ARB2A: variants seen among roughly 807,000 people sequenced by gnomAD.
ARB2A encodes cotranscriptional regulator ARB2A.
the ARB2A span, among the ~76,000 whole-genome samples, chr5:93,753,330 A>G: frequency 6.6e-6 from 1 of 152,240 alleles, no homozygotes; most frequent in Non-Finnish European, 1.5e-5. Flanking sequence ...AGGTATTTTC[A>G]GCAATAAAGT....
chr5:93,898,513 G>A, the ARB2A span, among the ~76,000 whole-genome samples: 1 of 151,992 alleles, frequency 6.6e-6, no homozygotes, highest in Non-Finnish European at 1.5e-5. Context: ...ATTTTGGGTA[G>A]TGGCAGCTCT....
chr5:93,953,501 G>A, the ARB2A span, among the ~76,000 whole-genome samples: 2 of 34,670 alleles, frequency 5.8e-5, no homozygotes, highest in South Asian at 9.0e-3. Context: ...CTTTCCCCCA[G>A]AGTCTCTTCC....
chr5:93,869,233 G>C, the ARB2A span, among the ~76,000 whole-genome samples: 39 of 152,326 alleles, frequency 2.6e-4, no homozygotes, highest in Admixed American at 3.9e-4. Context: ...GTTGGAGACA[G>C]AGGGCCTTAA....
the ARB2A span, among the ~76,000 whole-genome samples, chr5:93,681,787 T>A: frequency 3.9e-5 from 6 of 152,134 alleles, no homozygotes; most frequent in Admixed American, 6.5e-5. Context: ...ATGATGACAA[T>A]GACAAGACTA....
At chr5:93,830,958 C>T in the ARB2A span, among the ~76,000 whole-genome samples, 1 of 152,128 alleles carries the variant, frequency 6.6e-6, no homozygotes, top group African/African-American at 2.4e-5. Context: ...AGTGACAGAT[C>T]GTCAGGCATT....
chr5:93,773,219 T>C, the ARB2A span, among the ~76,000 whole-genome samples: 11 of 152,160 alleles, frequency 7.2e-5, no homozygotes, highest in African/African-American at 2.4e-4. Context: ...TTAGGTGACA[T>C]AATAATAATT....
the ARB2A span, among the ~76,000 whole-genome samples, chr5:93,776,660 C>T: frequency 2.6e-5 from 4 of 152,114 alleles, no homozygotes; most frequent in Non-Finnish European, 5.9e-5. Context: ...TGCCTGTAGT[C>T]CCAGTTACTT....
chr5:93,678,764 A>AG, the ARB2A span, among the ~76,000 whole-genome samples: 1 of 152,170 alleles, frequency 6.6e-6, no homozygotes, highest in Non-Finnish European at 1.5e-5. Context: ...TAAAAAAAAA[A>AG]AAAGCAATAT....
At chr5:94,089,641 ACT>A in the ARB2A span, among the ~76,000 whole-genome samples, 3 of 147,622 alleles carry the variant, frequency 2.0e-5, no homozygotes, top group African/African-American at 5.0e-5. Context: ...ACACACACAC[ACT>A]GCAGAGGGAT....
chr5:93,701,951 C>G, the ARB2A span, among the ~76,000 whole-genome samples: 13 of 152,108 alleles, frequency 8.5e-5, no homozygotes, highest in Non-Finnish European at 1.5e-4. Flanking sequence ...TTGAACTGCC[C>G]TGACATTTCA....
At chr5:93,668,322 C>T in the ARB2A span, among the ~76,000 whole-genome samples, 4 of 152,078 alleles carry the variant, frequency 2.6e-5, no homozygotes, top group South Asian at 4.1e-4. Flanking sequence ...CCAGGCTGGT[C>T]TTGAACTCCT....
chr5:94,093,881 A>G, the ARB2A span, among the ~76,000 whole-genome samples: 1 of 152,224 alleles, frequency 6.6e-6, no homozygotes, highest in African/African-American at 2.4e-5. Context: ...ACGGTGGGAC[A>G]GGCAAACAAT....
the ARB2A span, among the ~76,000 whole-genome samples, chr5:93,936,880 G>A: frequency 1.3e-5 from 2 of 150,688 alleles, no homozygotes; most frequent in South Asian, 2.1e-4. Flanking sequence ...TTTTAATCCC[G>A]AAATGTCAAT....
the ARB2A span, among the ~76,000 whole-genome samples, chr5:93,728,942 A>C: frequency 6.6e-6 from 1 of 152,122 alleles, no homozygotes; most frequent in South Asian, 2.1e-4. Context: ...TGGAAGGCTC[A>C]AGTAATTATA....
chr5:93,771,810 G>C, the ARB2A span, among the ~76,000 whole-genome samples: 1 of 152,168 alleles, frequency 6.6e-6, no homozygotes, highest in Non-Finnish European at 1.5e-5. Context: ...GAAACAACAG[G>C]TGCTGGAGAG....
the ARB2A span, among the ~76,000 whole-genome samples, chr5:93,637,058 A>G: frequency 3.3e-5 from 5 of 152,186 alleles, no homozygotes; most frequent in African/African-American, 1.2e-4. Flanking sequence ...CTGCCATTTT[A>G]TAGCCACTCC....
the ARB2A span, among the ~76,000 whole-genome samples, chr5:93,765,871 T>A: frequency 2.0e-5 from 3 of 152,016 alleles, no homozygotes; most frequent in African/African-American, 4.8e-5. Flanking sequence ...CAGAGCCCTA[T>A]GAAATAATGC....
At chr5:94,065,108 A>G in the ARB2A span, among the ~76,000 whole-genome samples, 1 of 152,252 alleles carries the variant, frequency 6.6e-6, no homozygotes, top group African/African-American at 2.4e-5. Flanking sequence ...TAAACTTTCA[A>G]TAAAAGACAG....
chr5:94,075,167 GT>G, the ARB2A span, among the ~76,000 whole-genome samples: 1 of 151,958 alleles, frequency 6.6e-6, no homozygotes, highest in Admixed American at 6.6e-5. Flanking sequence ...AAAATAAATT[GT>G]AAGCATGGGC....
Sources: allele counts gnomAD v4.1 joint callset (sites outside exome capture counted in the v4.1 genomes callset), GRCh38; gene constraint gnomAD v4.1.1; transcripts MANE v1.5; gene names NCBI Gene and HGNC (gene_info 2026-07-23, HGNC 2026-07-21).